Variants in RIMBP2 observed in about 807,000 individuals in gnomAD.
RIMBP2 encodes the protein RIMS binding protein 2.
In RIMBP2, 48 loss-of-function variants were observed where a neutral mutation model predicts 118.6. That is an observed-to-expected ratio of 0.40 (90% CI 0.32 to 0.51). The LOEUF is 0.51. RIMBP2 is among the 20% of genes least tolerant of loss of function. RIMBP2 has a pLI of 0.41. For synonymous variants in RIMBP2, 762 were observed against 742.9 expected, an observed-to-expected ratio of 1.03 and a Z score of -0.42; for missense variants, 1,551 against 1,768.3, an observed-to-expected ratio of 0.88 and a Z score of 2.20.
At chr12:130,526,727 A>G (rs2052827669) in intron 2 of RIMBP2, among the ~76,000 whole-genome samples, 2 of 152,224 alleles carry the variant, frequency 1.3e-5, no homozygotes, top group Non-Finnish European at 1.5e-5. Flanking sequence ...TAGACTATAT[A>G]GTTATAATAT....
intron 5 of RIMBP2, among the ~76,000 whole-genome samples, chr12:130,473,418 G>A (rs568225600): frequency 1.1e-4 from 16 of 152,374 alleles, no homozygotes; most frequent in African/African-American, 3.6e-4. Flanking sequence ...CCCTGCGGCA[G>A]GAGCAGCAGC....
chr12:130,587,173 G>A (rs1205323915), intron 2 of RIMBP2, among the ~76,000 whole-genome samples: 1 of 151,152 alleles, frequency 6.6e-6, no homozygotes, highest in African/African-American at 2.4e-5. Flanking sequence ...AAAAAGTCAG[G>A]AAATAACAGG....
intron 5 of RIMBP2, among the ~76,000 whole-genome samples, chr12:130,472,644 A>G (rs2081105777): frequency 6.6e-6 from 1 of 152,238 alleles, no homozygotes; most frequent in Non-Finnish European, 1.5e-5. Context: ...TAAATAAGCA[A>G]GTGAACATTA....
chr12:130,692,467 T>C (rs1227448717), intron 1 of RIMBP2, among the ~76,000 whole-genome samples: 1 of 152,032 alleles, frequency 6.6e-6, no homozygotes, highest in African/African-American at 2.4e-5. Flanking sequence ...TTAAAAACCA[T>C]TAAAGGCACC....
chr12:130,567,648 C>CATTT (rs1240782027), intron 2 of RIMBP2, among the ~76,000 whole-genome samples: 2 of 152,206 alleles, frequency 1.3e-5, no homozygotes, highest in Non-Finnish European at 2.9e-5. Flanking sequence ...CATTTTCCCA[C>CATTT]ATTTGCAGGC....
At chr12:130,406,387 A>G (rs183883001) in intron 20 of RIMBP2, 144 bp from the exon 21 acceptor site, 42 of 604,874 alleles carry the variant, frequency 6.9e-5, no homozygotes, top group Middle Eastern at 8.8e-4. Context: ...GTAGAAGCTA[A>G]TGAATGGCTC....
At chr12:130,561,161 C>G (rs1464172468) in intron 2 of RIMBP2, among the ~76,000 whole-genome samples, 2 of 152,182 alleles carry the variant, frequency 1.3e-5, no homozygotes, top group African/African-American at 2.4e-5. Context: ...GGCTCCCTCA[C>G]ACCCCTTAGA....
chr12:130,715,465 C>A (rs917393115), intron 1 of RIMBP2, among the ~76,000 whole-genome samples: 4 of 152,194 alleles, frequency 2.6e-5, no homozygotes, highest in Non-Finnish European at 5.9e-5. Flanking sequence ...CCACCTGGAC[C>A]TACCCAGACC....
chr12:130,683,189 G>A lies in RIMBP2; in HGVS notation c.-352+33033C>T, dbSNP rs1349485311. Among the ~76,000 whole-genome samples the A allele has an allele frequency of 6.6e-6, 1 of 152,140 alleles. No individual in the cohort carries two copies. The highest frequency in any genetic ancestry group is 1.5e-5 in the Non-Finnish European group (1 of 68,026). ...ATCTGATGAGAGTGTCCACATAAGA[G>A]GTAGAAAAGGACACACACAGACACG... On this transcript the variant is annotated intron_variant, in intron 1 of 22. Coordinates refer to ENST00000690449, the MANE Select transcript of RIMBP2 (RefSeq NM_001393629.1). This position sits in a 1 kb window ranked among gnomAD's most constrained non-coding sequence, Gnocchi z 4.4.
chr12:130,615,421 C>A (rs1055819044), intron 2 of RIMBP2, among the ~76,000 whole-genome samples: 11 of 151,658 alleles, frequency 7.3e-5, no homozygotes, highest in African/African-American at 2.7e-4. Context: ...AGCAATTCTC[C>A]CATCTCAGCC....
At chr12:130,401,592 C>T (rs1469304491) in intron 21 of RIMBP2, among the ~76,000 whole-genome samples, 1 of 151,862 alleles carries the variant, frequency 6.6e-6, no homozygotes, top group African/African-American at 2.4e-5. Context: ...TGTGACTGCC[C>T]TGGGCCTTCT....
At chr12:130,399,009 C>CT (rs79117967) in intron 22 of RIMBP2, 26,037 of 416,988 alleles carry the variant, frequency 0.062, 644 homozygotes, top group African/African-American at 0.16. Flanking sequence ...TTCTTTGTAT[C>CT]TTTTTTTTTT....
intron 19 of RIMBP2, among the ~76,000 whole-genome samples, chr12:130,411,828 G>T (rs1044720110): frequency 7.0e-6 from 1 of 142,112 alleles, no homozygotes; most frequent in Admixed American, 6.9e-5. Flanking sequence ...TGCCAAAAAA[G>T]GTTGAAATGT....
rs566208839 is a variant in RIMBP2, at chr12:130,620,619, G to A, written c.-217+7703C>T. On this transcript the variant is annotated intron_variant, in intron 2 of 22. Transcript: ENST00000690449. The surrounding 1 kb of genome is among the most constrained non-coding windows in gnomAD (Gnocchi z 5.3). ...GCAGGCTCTGCCCGTGCCTGTCCCC[G>A]GCTTCTGTGGTGGCTGACATTCTTG... is the stretch of plus-strand genomic sequence containing the variant. 9.4e-4 allele frequency among the ~76,000 whole-genome samples: 143 copies of A among 152,228 alleles called. 1 individual carries two copies. Among genetic ancestry groups the A allele is most frequent in the African/African-American group, 2.9e-3 (120 of 41,536 alleles).
chr12:130,593,861 T>C, intron 2 of RIMBP2, among the ~76,000 whole-genome samples: 1 of 152,218 alleles, frequency 6.6e-6, no homozygotes, highest in East Asian at 1.9e-4. Context: ...CAGAGGACTT[T>C]CCATCTCCTT....
At position 130,467,687 on chromosome 12, in the gene RIMBP2, G is replaced by A. The variant is rs76064799; in HGVS notation, c.153+3006C>T. The stretch of plus-strand genomic sequence containing the variant: ...AACGGGCAAGGTGAACCCACTAGGC[G>A]GTTACACTATGACCCAGAAGCCCCC... On this transcript the variant is annotated intron_variant, in intron 6 of 22. Coordinates refer to ENST00000690449, the MANE Select transcript of RIMBP2 (RefSeq NM_001393629.1). Among the ~76,000 whole-genome samples, 1,045 of 152,262 alleles carry A rather than the reference G, an allele frequency of 6.9e-3. 14 individuals are homozygous for A. Among genetic ancestry groups the A allele is most frequent in the African/African-American group, 0.024 (998 of 41,540 alleles).
At chr12:130,644,330 C>T (rs2062754034) in intron 1 of RIMBP2, among the ~76,000 whole-genome samples, 1 of 152,216 alleles carries the variant, frequency 6.6e-6, no homozygotes, top group African/African-American at 2.4e-5. Flanking sequence ...ATGAGCTGCT[C>T]AGCTCTTAAT....
intron 2 of RIMBP2, among the ~76,000 whole-genome samples, chr12:130,574,646 A>T (rs768887699): frequency 7.2e-5 from 11 of 151,974 alleles, no homozygotes; most frequent in African/African-American, 9.7e-5. Context: ...TCAAAGTTCA[A>T]ACGGCTGGGA....
intron 5 of RIMBP2, among the ~76,000 whole-genome samples, chr12:130,476,429 T>C (rs1655642119): frequency 6.6e-6 from 1 of 152,122 alleles, no homozygotes; most frequent in African/African-American, 2.4e-5. Flanking sequence ...GGGCCAGTCT[T>C]CAGCTAATCC....
Sources: gnomAD v4.1 joint callset for allele counts (sites outside exome capture counted in the v4.1 genomes callset) on GRCh38, gnomAD v4.1.1 for gene constraint, Gnocchi (gnomAD v3.1) non-coding constraint, MANE v1.5 for transcripts, NCBI Gene and HGNC (gene_info 2026-07-23, HGNC 2026-07-21) for gene names.